The following FARSB variants were observed in gnomAD, a reference collection of about 807,000 sequenced individuals.
FARSB encodes the protein phenylalanine--tRNA ligase beta subunit.
FARSB carries 40 observed loss-of-function variants against 69.6 expected under a neutral mutation model. That is an observed-to-expected ratio of 0.57 (90% CI 0.45 to 0.75). FARSB has a LOEUF of 0.75. Among genes scored for constraint, FARSB ranks in the 30% least tolerant of loss-of-function variants. The pLI is 0.00. For synonymous variants in FARSB, 235 were observed against 247.2 expected, an observed-to-expected ratio of 0.95 and a Z score of 0.46; for missense variants, 632 against 722.9, an observed-to-expected ratio of 0.87 and a Z score of 1.44.
In FARSB at chr2:222,631,687, CA is replaced by C; in HGVS notation, c.716-14del. ...CTGGAATGATCCCCTGCAATGAACACAAAACAATAACATTAAAATAACTAAT... is the reference window on the plus strand; with the variant it reads ...CTGGAATGATCCCCTGCAATGAACACAAACAATAACATTAAAATAACTAAT... On this transcript the variant is annotated splice_polypyrimidine_tract_variant and intron_variant, in intron 7 of 16. Coordinates refer to ENST00000281828, the MANE Select transcript of FARSB (RefSeq NM_005687.5). 1 of 1,415,338 alleles carries C rather than the reference CA, an allele frequency of 7.1e-7. No homozygotes were observed. Among genetic ancestry groups the C allele is most frequent in the Non-Finnish European group, 1.0e-6 (1 of 1,001,972 alleles). The allele number at this position is 1,415,338 out of a possible 1,614,324, so 87.7% of individuals were successfully genotyped here.
chr2:222,599,994 T>C lies in FARSB; in HGVS notation c.1552A>G (p.Ile518Val), dbSNP rs1690519215. Residue 518 changes from isoleucine (I) to valine (V), a missense_variant, in exon 16 of 17, where the codon ATT becomes GTT. Coordinates refer to ENST00000281828, the MANE Select transcript of FARSB (RefSeq NM_005687.5). ...GGAGGCACATCGAGCAACTGCATAA[T>C]TCTGTCCAGCAGCCCATGAATGATC... is the stretch of plus-strand genomic sequence containing the variant. ...FEIIHGLLDR[I>V]MQLLDVPPGE... 6.2e-7 allele frequency: 1 copy of C among 1,612,554 alleles called. No homozygotes were observed. The highest frequency in any genetic ancestry group is 2.2e-5 in the East Asian group (1 of 44,846).
intron 16 of FARSB, among the ~76,000 whole-genome samples, chr2:222,577,289 G>C (rs1689861362): frequency 6.6e-6 from 1 of 151,998 alleles, no homozygotes; most frequent in South Asian, 2.1e-4. Context: ...TCTTCACCTT[G>C]CATTTGAAGT....
At chr2:222,628,816 A>C (rs1399148157) in intron 10 of FARSB, 21 bp downstream of exon 10, 2 of 1,516,848 alleles carry the variant, frequency 1.3e-6, no homozygotes, top group African/African-American at 2.7e-5. Flanking sequence ...ATAATCATGA[A>C]GTCATTTCTT....
At chr2:222,613,600 A>G (rs1464357612) in intron 15 of FARSB, among the ~76,000 whole-genome samples, 1 of 152,164 alleles carries the variant, frequency 6.6e-6, no homozygotes, top group Admixed American at 6.5e-5. Flanking sequence ...GAAATGATAC[A>G]ATGTCTATGA....
At chr2:222,589,451 G>A (rs949401744) in intron 16 of FARSB, among the ~76,000 whole-genome samples, 1 of 152,030 alleles carries the variant, frequency 6.6e-6, no homozygotes, top group Non-Finnish European at 1.5e-5. Context: ...ACATAGGCAT[G>A]GGCAAGGACT....
intron 15 of FARSB, among the ~76,000 whole-genome samples, chr2:222,603,666 T>C (rs1334572527): frequency 2.2e-5 from 3 of 134,610 alleles, no homozygotes; most frequent in African/African-American, 7.6e-5. Flanking sequence ...TTATTATTAA[T>C]ATAATTAATA....
intron 10 of FARSB, among the ~76,000 whole-genome samples, chr2:222,627,150 G>A (rs1171295257): frequency 6.6e-6 from 1 of 152,146 alleles, no homozygotes; most frequent in African/African-American, 2.4e-5. Flanking sequence ...CTGCAAAAAT[G>A]GCCACAAATT....
chr2:222,622,814 T>C (rs1408041533), intron 13 of FARSB, among the ~76,000 whole-genome samples: 1 of 152,212 alleles, frequency 6.6e-6, no homozygotes, highest in Non-Finnish European at 1.5e-5. Flanking sequence ...AGCCTCAGGC[T>C]TCCTCATTGG....
At chr2:222,606,507 G>C (rs1197383303) in intron 15 of FARSB, among the ~76,000 whole-genome samples, 2 of 152,180 alleles carry the variant, frequency 1.3e-5, no homozygotes, top group East Asian at 3.8e-4. Flanking sequence ...CTTTTTAAAT[G>C]GGCCTGGCAA....
intron 5 of FARSB, among the ~76,000 whole-genome samples, chr2:222,637,417 T>C (rs1691611318): frequency 6.6e-6 from 1 of 152,000 alleles, no homozygotes; most frequent in Non-Finnish European, 1.5e-5. Flanking sequence ...TCTGAAGATA[T>C]GCAGAGGGTC....
At chr2:222,607,646 A>AT (rs201964353) in intron 15 of FARSB, among the ~76,000 whole-genome samples, 83 of 150,740 alleles carry the variant, frequency 5.5e-4, no homozygotes, top group Admixed American at 7.9e-4. Flanking sequence ...GAAGTTGGAT[A>AT]TTAAAAAAAA....
chr2:222,595,995 T>G (rs193279806), intron 16 of FARSB, among the ~76,000 whole-genome samples: 5 of 152,230 alleles, frequency 3.3e-5, no homozygotes, highest in African/African-American at 1.2e-4. Flanking sequence ...CTTTTGAAAC[T>G]CTTAAAATGC....
intron 5 of FARSB, among the ~76,000 whole-genome samples, chr2:222,637,268 AGCCCT>A (rs1691606457): frequency 6.6e-6 from 1 of 152,200 alleles, no homozygotes; most frequent in Non-Finnish European, 1.5e-5. Context: ...AAGTGAGGTG[AGCCCT>A]GACTATAGGG....
chr2:222,592,219 G>C (rs1288345322), intron 16 of FARSB, among the ~76,000 whole-genome samples: 1 of 152,046 alleles, frequency 6.6e-6, no homozygotes, highest in African/African-American at 2.4e-5. Flanking sequence ...TATTTTTTGT[G>C]GTCATGTGCT....
rs372795794 is a variant in FARSB at position 222,626,176 on chromosome 2, G to A, written c.901-1401C>T. 5.2e-4 allele frequency among the ~76,000 whole-genome samples: 77 copies of A among 148,458 alleles called. 1 individual carries two copies. The highest frequency in any genetic ancestry group is 1.1e-3 in the African/African-American group (44 of 40,546). On this transcript the variant is annotated intron_variant, in intron 10 of 16. Transcript: ENST00000281828. ...AGGCAGGAGAATCGCTTGAACCCAG[G>A]AGGTGGAGGTTGCAGTGAGCTGATG...
chr2:222,630,649 T>C (rs1232051348), intron 8 of FARSB, among the ~76,000 whole-genome samples: 4 of 152,174 alleles, frequency 2.6e-5, no homozygotes, highest in African/African-American at 9.7e-5. Flanking sequence ...AAACACCATA[T>C]AGATTTGTTA....
intron 16 of FARSB, among the ~76,000 whole-genome samples, chr2:222,586,316 A>AT (rs1690110829): frequency 6.6e-6 from 1 of 152,204 alleles, no homozygotes; most frequent in Admixed American, 6.5e-5. Context: ...ATGCTGAGAG[A>AT]TTTTGTCACC....
chr2:222,574,160 C>CTT (rs35731405), intron 16 of FARSB, among the ~76,000 whole-genome samples: 45 of 149,656 alleles, frequency 3.0e-4, no homozygotes, highest in African/African-American at 7.6e-4. Flanking sequence ...CGAATCAGCA[C>CTT]TTTTTTTTTT....
intron 16 of FARSB, among the ~76,000 whole-genome samples, chr2:222,598,209 T>C (rs1690472566): frequency 6.6e-6 from 1 of 152,232 alleles, no homozygotes; most frequent in Non-Finnish European, 1.5e-5. Context: ...TGAGGGTCGG[T>C]ATGTGGTGGT....
Sources: gnomAD v4.1 joint callset for allele counts (sites outside exome capture counted in the v4.1 genomes callset) on GRCh38, gnomAD v4.1.1 for gene constraint, MANE v1.5 for transcripts, NCBI Gene and HGNC (gene_info 2026-07-23, HGNC 2026-07-21) for gene names.